Variants in COL5A1 observed in about 807,000 individuals in gnomAD.
COL5A1 encodes the protein collagen type V alpha 1 chain.
In COL5A1, 16 loss-of-function variants were observed where a neutral mutation model predicts 263.7. That is an observed-to-expected ratio of 0.06 (90% CI 0.04 to 0.09). The LOEUF is 0.09. Among genes scored for constraint, COL5A1 ranks in the 10% least tolerant of loss-of-function variants. The probability of loss-of-function intolerance (pLI) is 1.00; values close to 1 mark genes in which losing one functional copy is unlikely to be tolerated. For synonymous variants in COL5A1, 1,012 were observed against 1,004.5 expected (o/e 1.01, Z -0.14); for missense variants, 2,036 against 2,540.5 (o/e 0.80, Z 4.27).
intron 4 of COL5A1, among the ~76,000 whole-genome samples, chr9:134,725,658 A>G (rs2132629070): frequency 6.6e-6 from 1 of 152,342 alleles, no homozygotes; most frequent in East Asian, 1.9e-4. Context: ...GGTTAGAGGA[A>G]GAAGGAATAA....
intron 9 of COL5A1, among the ~76,000 whole-genome samples, chr9:134,734,546 T>A (rs992461636): frequency 6.6e-6 from 1 of 152,042 alleles, no homozygotes; most frequent in Non-Finnish European, 1.5e-5. Flanking sequence ...TGGAAGGGGG[T>A]GTCTGTTGTC....
chr9:134,724,550 T>A (rs1834578856), intron 4 of COL5A1, among the ~76,000 whole-genome samples: 1 of 152,202 alleles, frequency 6.6e-6, no homozygotes, highest in African/African-American at 2.4e-5. Context: ...GTGCCTGTCT[T>A]GCTGTGGCCA....
At chr9:134,807,009 T>G (rs1246328800) in intron 42 of COL5A1, among the ~76,000 whole-genome samples, 1 of 152,108 alleles carries the variant, frequency 6.6e-6, no homozygotes, top group Non-Finnish European at 1.5e-5. Context: ...CGAGCGCCCT[T>G]TTTGCCTAGA....
Position 134,806,210 on chromosome 9 carries a change from C to A in COL5A1, c.3280C>A (p.Pro1094Thr), listed in dbSNP as rs1401133868. 4 of 1,550,616 alleles carry A rather than the reference C, an allele frequency of 2.6e-6. No homozygotes were observed. In the African/African-American group the frequency reaches 5.5e-5, roughly 21 times the overall value. The stretch of plus-strand genomic sequence containing the variant: ...TCAGGGATCTCCAGGGGAGAGAGGT[C>A]CAGCTGGAGCCGCTGGGCCCATCGG... ...GPAGSPGERG[P>T]AGAAGPIGIP... Residue 1094 changes from proline (P) to threonine (T), a missense_variant, in exon 42 of 66, where the codon CCA becomes ACA. Transcript: ENST00000371817.
chr9:134,764,239 G>T (rs1482262420), intron 20 of COL5A1, among the ~76,000 whole-genome samples: 1 of 123,888 alleles, frequency 8.1e-6, no homozygotes, highest in African/African-American at 3.1e-5. Context: ...ACATGGCAGG[G>T]TTCAGTGGCA....
intron 43 of COL5A1, 43 bp from the exon 44 acceptor site, chr9:134,810,212 G>C: frequency 1.2e-6 from 2 of 1,607,296 alleles, no homozygotes; most frequent in South Asian, 1.1e-5. Flanking sequence ...AGGTCCAAAC[G>C]GTTGTCAAGC....
chr9:134,737,357 C>T lies in COL5A1; in HGVS notation c.1390-1117C>T, dbSNP rs182744387. Among the ~76,000 whole-genome samples the T allele has an allele frequency of 3.1e-3, 475 of 152,296 alleles. 1 individual carries two copies. The highest frequency in any genetic ancestry group is 9.4e-3 in the African/African-American group (390 of 41,562). ...GCTGGAGCCTTGGCTGGGCGGCTGA[C>T]GGGTGCTGTGTCGCAACGTGGGGAG... On this transcript the variant is annotated intron_variant, in intron 9 of 65. Transcript: ENST00000371817.
In COL5A1 at chr9:134,774,102, G is replaced by T. The variant is rs557955403; in HGVS notation, c.2332-757G>T. On this transcript the variant is annotated intron_variant, in intron 26 of 65. Transcript: ENST00000371817. The stretch of plus-strand genomic sequence containing the variant: ...CACAGGCCCACTGTTCTGAGAGCTG[G>T]CTTTTCAACTGGAACGAGAGGCATT... Among the ~76,000 whole-genome samples, 82 of 152,370 alleles carry T rather than the reference G, an allele frequency of 5.4e-4. 2 individuals carry two copies. In the South Asian group the frequency reaches 0.017, roughly 31 times the overall value.
At chr9:134,777,614 C>T (rs760028238) in intron 27 of COL5A1, among the ~76,000 whole-genome samples, 2 of 152,248 alleles carry the variant, frequency 1.3e-5, no homozygotes, top group Middle Eastern at 3.4e-3. Context: ...CCCATTCCTC[C>T]GATGGGGATC....
At chr9:134,695,662 T>G (rs1833434926) in intron 2 of COL5A1, among the ~76,000 whole-genome samples, 1 of 152,078 alleles carries the variant, frequency 6.6e-6, no homozygotes, top group Non-Finnish European at 1.5e-5. Flanking sequence ...TCCCATGAAA[T>G]AAGATGCGGG....
At chr9:134,738,871 C>T in intron 11 of COL5A1, 63 bp downstream of exon 11, 1 of 1,356,122 alleles carries the variant, frequency 7.4e-7, no homozygotes. Context: ...GCCTCCTCTC[C>T]ACACTGTGAC....
chr9:134,749,752 C>T (rs1835708035), intron 11 of COL5A1, among the ~76,000 whole-genome samples: 1 of 152,222 alleles, frequency 6.6e-6, no homozygotes, highest in Non-Finnish European at 1.5e-5. Context: ...GCTCCAGTCT[C>T]TATGCAAGAC....
At chr9:134,731,452 G>T in intron 7 of COL5A1, 44 bp from the exon 8 acceptor site, 7 of 1,606,054 alleles carry the variant, frequency 4.4e-6, no homozygotes, top group Non-Finnish European at 6.0e-6. Flanking sequence ...GGCAGTGCCT[G>T]GTGCGTTTGC....
chr9:134,721,291 C>T (rs1834444198), intron 4 of COL5A1, among the ~76,000 whole-genome samples: 1 of 150,904 alleles, frequency 6.6e-6, no homozygotes, highest in South Asian at 2.1e-4. Flanking sequence ...CAGGGCTGCC[C>T]AGGCTCCCCC....
At chr9:134,698,049 A>G (rs1184476750) in intron 2 of COL5A1, among the ~76,000 whole-genome samples, 1 of 152,086 alleles carries the variant, frequency 6.6e-6, no homozygotes, top group Non-Finnish European at 1.5e-5. Flanking sequence ...TCACCACTGC[A>G]CTCCAACCTG....
At position 134,754,363 on chromosome 9, in the gene COL5A1, GC is replaced by G; in HGVS notation, c.1827+38del. ...GAGTGTGTGTGGTTTAGTGACAGCA[GC>G]TTGGGCGCTGGAGGAGCCCAAATCT... On this transcript the variant is annotated intron_variant, in intron 16 of 65. Transcript: ENST00000371817. The surrounding 1 kb of genome is among the most constrained non-coding windows in gnomAD (Gnocchi z 4.3). The G allele has an allele frequency of 6.2e-7, 1 of 1,613,264 alleles. No individual in the cohort carries two copies. The highest frequency in any genetic ancestry group is 1.3e-5 in the African/African-American group (1 of 75,058).
At chr9:134,695,273 C>G (rs1196813858) in intron 2 of COL5A1, among the ~76,000 whole-genome samples, 1 of 152,206 alleles carries the variant, frequency 6.6e-6, no homozygotes, top group Non-Finnish European at 1.5e-5. Context: ...TGGCCAACAC[C>G]CTGTCTTCGC....
At chr9:134,648,456 A>G (rs73556943) in intron 1 of COL5A1, among the ~76,000 whole-genome samples, 1 of 151,956 alleles carries the variant, frequency 6.6e-6, no homozygotes, top group Non-Finnish European at 1.5e-5. Context: ...CTGGCAAAGG[A>G]CAGGCAGCCG....
At chr9:134,645,233 G>A (rs1014584042) in intron 1 of COL5A1, among the ~76,000 whole-genome samples, 6 of 152,178 alleles carry the variant, frequency 3.9e-5, no homozygotes, top group Admixed American at 6.5e-5. Flanking sequence ...TCTTCACCCC[G>A]CCCTGCAGAT....
Sources: gnomAD v4.1 joint callset for allele counts (sites outside exome capture counted in the v4.1 genomes callset) on GRCh38, gnomAD v4.1.1 for gene constraint, Gnocchi (gnomAD v3.1) non-coding constraint, MANE v1.5 for transcripts, NCBI Gene and HGNC (gene_info 2026-07-23, HGNC 2026-07-21) for gene names.